The following LHFPL2 variants were observed in gnomAD, a reference collection of about 807,000 sequenced individuals.
The protein encoded by LHFPL2 is LHFPL tetraspan subfamily member 2.
Under a neutral mutation model 17.5 loss-of-function variants are expected in LHFPL2, and 7 were observed. The ratio of observed to expected loss-of-function variants is 0.40; its 90% CI spans 0.23 to 0.75. The LOEUF (loss-of-function observed/expected upper bound fraction) is 0.75, where lower values mean the gene tolerates loss of function less well. Ranked by LOEUF, LHFPL2 falls within the 30% of genes least tolerant of loss-of-function variation. The probability of loss-of-function intolerance (pLI) is 0.37; values close to 1 mark genes in which losing one functional copy is unlikely to be tolerated. For synonymous variants in LHFPL2, 134 were observed against 116.2 expected (o/e 1.15, Z -0.99); for missense variants, 241 against 294.8 (o/e 0.82, Z 1.34).
chr5:78,492,327 T>C (rs1754473283), intron 4 of LHFPL2, among the ~76,000 whole-genome samples: 1 of 152,214 alleles, frequency 6.6e-6, no homozygotes, highest in African/African-American at 2.4e-5. Flanking sequence ...GTATTATATG[T>C]GCACTTTAAT....
Position 78,488,752 on chromosome 5 carries a change from G to T in LHFPL2, c.*145C>A. ...CAGTAACTTTGCGTAGCTGGATGTG[G>T]CCTCTCATTGGTCCTGTTTAAGCCT... On this transcript the variant is annotated 3_prime_UTR_variant, in exon 5 of 5. Coordinates refer to ENST00000380345, the MANE Select transcript of LHFPL2 (RefSeq NM_005779.3). 1.2e-6 allele frequency: 1 copy of T among 806,884 alleles called. No homozygotes were observed. The highest frequency in any genetic ancestry group is 2.0e-6 in the Non-Finnish European group (1 of 499,064). 50.0% of individuals were successfully genotyped at this position (806,884 alleles called of 1,614,324 possible). A position where few individuals can be genotyped will look rare whatever the true frequency, so the allele number is the denominator to read the frequency against.
At chr5:78,638,569 C>T (rs541169012) in intron 1 of LHFPL2, among the ~76,000 whole-genome samples, 62 of 152,188 alleles carry the variant, frequency 4.1e-4, no homozygotes, top group Non-Finnish European at 7.8e-4. Context: ...TTAATGAGGT[C>T]GAGGTCACGG....
At chr5:78,632,058 C>T (rs1177127119) in intron 2 of LHFPL2, among the ~76,000 whole-genome samples, 2 of 152,066 alleles carry the variant, frequency 1.3e-5, no homozygotes, top group African/African-American at 4.8e-5. Context: ...GGAAAGAGGG[C>T]TGAGTAATGA....
intron 4 of LHFPL2, among the ~76,000 whole-genome samples, chr5:78,501,654 C>T (rs144597438): frequency 6.6e-6 from 1 of 152,294 alleles, no homozygotes; most frequent in Admixed American, 6.5e-5. Flanking sequence ...GCACTACAGT[C>T]CCAAACTCAA....
intron 2 of LHFPL2, among the ~76,000 whole-genome samples, chr5:78,620,367 C>T (rs928986892): frequency 3.2e-4 from 49 of 151,952 alleles, no homozygotes; most frequent in Middle Eastern, 6.8e-3. Flanking sequence ...GTTTTTTTCT[C>T]GTAAATTTGT....
At chr5:78,631,015 C>T (rs1745225148) in intron 2 of LHFPL2, among the ~76,000 whole-genome samples, 1 of 152,196 alleles carries the variant, frequency 6.6e-6, no homozygotes, top group African/African-American at 2.4e-5. Context: ...GAGATCAACT[C>T]AAGCCAATCC....
chr5:78,512,289 C>A (rs1277054844), intron 3 of LHFPL2, among the ~76,000 whole-genome samples: 10 of 151,806 alleles, frequency 6.6e-5, no homozygotes, highest in Admixed American at 2.6e-4. Context: ...AGGGCAGAGT[C>A]CTGGTCTTCC....
chr5:78,588,519 A>G (rs945122589), intron 2 of LHFPL2, among the ~76,000 whole-genome samples: 5 of 152,172 alleles, frequency 3.3e-5, no homozygotes, highest in South Asian at 2.1e-4. Context: ...TTTCTAATCT[A>G]ATGTCTAGCC....
chr5:78,574,607 A>G (rs1580820178), intron 2 of LHFPL2, among the ~76,000 whole-genome samples: 1 of 152,262 alleles, frequency 6.6e-6, no homozygotes, highest in Non-Finnish European at 1.5e-5. Flanking sequence ...TTGTCTAGTA[A>G]GGGAAAACGG....
intron 2 of LHFPL2, among the ~76,000 whole-genome samples, chr5:78,587,515 A>G (rs1298474746): frequency 6.6e-6 from 1 of 152,192 alleles, no homozygotes; most frequent in Non-Finnish European, 1.5e-5. Flanking sequence ...TAAATACTCT[A>G]TGCCCACATG....
rs146723665 is a variant in LHFPL2 at position 78,591,246 on chromosome 5, G to A, written c.-244-26375C>T. 9.8e-3 allele frequency among the ~76,000 whole-genome samples: 1,485 copies of A among 152,298 alleles called. 20 individuals carry two copies. The highest frequency in any genetic ancestry group is 0.012 in the Non-Finnish European group (783 of 68,028). Reference sequence around the variant, plus strand: ...AGGGCCTAACCCCCTAATGACCAATGTTTGTTCCCATGACCAAACAACAAA... The same window carrying A: ...AGGGCCTAACCCCCTAATGACCAATATTTGTTCCCATGACCAAACAACAAA... On this transcript the variant is annotated intron_variant, in intron 2 of 4. Transcript: ENST00000380345.
chr5:78,615,516 C>G (rs1744569983), intron 2 of LHFPL2, among the ~76,000 whole-genome samples: 1 of 152,142 alleles, frequency 6.6e-6, no homozygotes, highest in Non-Finnish European at 1.5e-5. Context: ...AAAAACAAAT[C>G]CATATATGGT....
At chr5:78,598,419 G>A (rs1743898953) in intron 2 of LHFPL2, among the ~76,000 whole-genome samples, 1 of 152,198 alleles carries the variant, frequency 6.6e-6, no homozygotes, top group South Asian at 2.1e-4. Context: ...ACTAGTAAAT[G>A]AAGGTGGTTA....
At chr5:78,579,319 TTTG>T (rs999500026) in intron 2 of LHFPL2, among the ~76,000 whole-genome samples, 39 of 152,056 alleles carry the variant, frequency 2.6e-4, no homozygotes, top group Non-Finnish European at 5.1e-4. Context: ...AGGTTTTTTT[TTTG>T]TTGTTGTTGT....
intron 3 of LHFPL2, among the ~76,000 whole-genome samples, chr5:78,546,568 A>C (rs1256427737): frequency 6.6e-6 from 1 of 152,204 alleles, no homozygotes; most frequent in East Asian, 1.9e-4. Context: ...TCCATAAATG[A>C]TATTTTTTAT....
chr5:78,557,058 A>G (rs1483778526), intron 3 of LHFPL2, among the ~76,000 whole-genome samples: 1 of 152,132 alleles, frequency 6.6e-6, no homozygotes, highest in Admixed American at 6.5e-5. Context: ...TAGTCCAGCC[A>G]TAATAATATA....
In LHFPL2 at chr5:78,599,448, C is replaced by T. The variant is rs368400467; in HGVS notation, c.-245+32816G>A. On this transcript the variant is annotated intron_variant, in intron 2 of 4. Transcript: ENST00000380345. Reference sequence around the variant, plus strand: ...TCAAGTAGCTGGGATTACAAGTGTCCGCCATCATGCCCGGCTAATTTTTTG... The same window carrying T: ...TCAAGTAGCTGGGATTACAAGTGTCTGCCATCATGCCCGGCTAATTTTTTG... Among the ~76,000 whole-genome samples, 4 of 150,808 alleles carry T rather than the reference C, an allele frequency of 2.7e-5. No homozygotes were observed. In the East Asian group the frequency reaches 5.8e-4, roughly 22 times the overall value.
intron 2 of LHFPL2, among the ~76,000 whole-genome samples, chr5:78,606,866 G>A (rs985789005): frequency 6.6e-6 from 1 of 151,962 alleles, no homozygotes; most frequent in East Asian, 1.9e-4. Context: ...TAGTAGAGAC[G>A]GGGTTTCACC....
chr5:78,617,099 G>A (rs9293755), intron 2 of LHFPL2, among the ~76,000 whole-genome samples: 49,840 of 151,522 alleles, frequency 0.33, 9,248 homozygotes, highest in Non-Finnish European at 0.43. Context: ...CTCAATCTCC[G>A]CTCACTACAA....
Sources: allele counts gnomAD v4.1 joint callset (sites outside exome capture counted in the v4.1 genomes callset), GRCh38; gene constraint gnomAD v4.1.1; transcripts MANE v1.5; gene names NCBI Gene and HGNC (gene_info 2026-07-23, HGNC 2026-07-21).